PPIB: variants seen among roughly 807,000 people sequenced by gnomAD.
PPIB encodes the protein peptidylprolyl isomerase B.
In PPIB, 15 loss-of-function variants were observed where a neutral mutation model predicts 20.1. That is an observed-to-expected ratio of 0.75 (90% CI 0.50 to 1.15). The LOEUF is 1.15. PPIB is among the 50% of genes most tolerant of loss of function. The probability of loss-of-function intolerance (pLI) is 0.00; values close to 1 mark genes in which losing one functional copy is unlikely to be tolerated. For synonymous variants in PPIB, 129 were observed against 111.0 expected (o/e 1.16, Z -1.02); for missense variants, 278 against 283.0 (o/e 0.98, Z 0.13).
chr15:64,156,088 C>A lies in PPIB; in HGVS notation c.586G>T (p.Asp196Tyr). Residue 196 changes from aspartate (D) to tyrosine (Y), a missense_variant, in exon 5 of 5, where the codon GAT becomes TAT. Coordinates refer to ENST00000300026, the MANE Select transcript of PPIB (RefSeq NM_000942.5). The surrounding 1 kb of genome is among the most constrained non-coding windows in gnomAD (Gnocchi z 6.4). ...TTGCCGCAGTCTGCGATGATCACAT[C>A]CTTCAGGGGTTTATCCCGGCTGTCT... ...KTDSRDKPLK[D>Y]VIIADCGKIE... 6.2e-7 allele frequency: 1 copy of A among 1,614,220 alleles called. No individual in the cohort carries two copies. The highest frequency in any genetic ancestry group is 1.1e-5 in the South Asian group (1 of 91,092).
chr15:64,162,835 C>A lies in PPIB; in HGVS notation c.135+17G>T, dbSNP rs745554631. On this transcript the variant is annotated intron_variant, in intron 1 of 4. Coordinates refer to ENST00000300026, the MANE Select transcript of PPIB (RefSeq NM_000942.5). ...GCCCGAGCTCCGGCACCGTAAATGC[C>A]GCGGACTCCACCGGACCTTGACGGT... is the stretch of plus-strand genomic sequence containing the variant. The A allele has an allele frequency of 6.2e-7, 1 of 1,608,192 alleles. No homozygotes were observed.
chr15:64,161,325 G>A lies in PPIB; in HGVS notation c.249+716C>T, dbSNP rs981861059. Among the ~76,000 whole-genome samples the A allele has an allele frequency of 6.6e-6, 1 of 151,852 alleles. No homozygotes were observed. The highest frequency in any genetic ancestry group is 1.5e-5 in the Non-Finnish European group (1 of 67,976). ...GTCTCACTCTATTGCTCAGGCTGGA[G>A]TGCAGTGGCATGAACATGGCTCACT... On this transcript the variant is annotated intron_variant, in intron 2 of 4. Coordinates refer to ENST00000300026, the MANE Select transcript of PPIB (RefSeq NM_000942.5). This position sits in a 1 kb window ranked among gnomAD's most constrained non-coding sequence, Gnocchi z 4.2.
chr15:64,158,559 C>G lies in PPIB; in HGVS notation c.343+1545G>C, dbSNP rs777208167. 2.6e-5 allele frequency among the ~76,000 whole-genome samples: 4 copies of G among 152,332 alleles called. No homozygotes were observed. Among genetic ancestry groups the G allele is most frequent in the Middle Eastern group, 6.8e-3 (2 of 294 alleles). ...CCTAGCCTCCACATCCTGGATCTGC[C>G]ACCACATGACTCCCCTGGCACCCCA... On this transcript the variant is annotated intron_variant, in intron 3 of 4. Coordinates refer to ENST00000300026, the MANE Select transcript of PPIB (RefSeq NM_000942.5). This position sits in a 1 kb window ranked among gnomAD's most constrained non-coding sequence, Gnocchi z 4.7.
At position 64,156,911 on chromosome 15, in the gene PPIB, T is replaced by C; in HGVS notation, c.344-2A>G. 1 of 1,613,926 alleles carries C rather than the reference T, an allele frequency of 6.2e-7. No individual in the cohort carries two copies. The highest frequency in any genetic ancestry group is 8.5e-7 in the Non-Finnish European group (1 of 1,179,918). On this transcript the variant is annotated splice_acceptor_variant, in intron 3 of 4. Transcript: ENST00000300026. LOFTEE classifies it high-confidence loss of function. This position sits in a 1 kb window ranked among gnomAD's most constrained non-coding sequence, Gnocchi z 6.4. ...AGCGCTCACCGTAGATGCTCTTTCC[T>C]GGGAAAAAAGACAGAGCAGGTCAGG...
At position 64,157,487 on chromosome 15, in the gene PPIB, C is replaced by G. The variant is rs28720191; in HGVS notation, c.344-578G>C. On this transcript the variant is annotated intron_variant, in intron 3 of 4. Transcript: ENST00000300026. This position sits in a 1 kb window ranked among gnomAD's most constrained non-coding sequence, Gnocchi z 4.2. ...AAAAGACAGCTGTGAGTGTGTGTGA[C>G]GCGTCTGTCCACGTGGGGCTTGGGG... 10 of 158,646 alleles carry G rather than the reference C, an allele frequency of 6.3e-5. No individual in the cohort carries two copies. Among genetic ancestry groups the G allele is most frequent in the Admixed American group, 3.6e-4 (6 of 16,770 alleles). 9.8% of individuals were successfully genotyped at this position (158,646 alleles called of 1,614,324 possible).
Position 64,156,694 on chromosome 15 carries a change from C to T in PPIB, c.528+31G>A. On this transcript the variant is annotated intron_variant, in intron 4 of 4. Transcript: ENST00000300026. This position sits in a 1 kb window ranked among gnomAD's most constrained non-coding sequence, Gnocchi z 6.4. Reference sequence around the variant, plus strand: ...TGTGTTGAATCCCCGGTGAGGATTGCCCAGTAGTAGCCCTTGCTTCCACAA... The same window carrying T: ...TGTGTTGAATCCCCGGTGAGGATTGTCCAGTAGTAGCCCTTGCTTCCACAA... The T allele has an allele frequency of 1.2e-6, 2 of 1,613,392 alleles. No individual in the cohort carries two copies. The highest frequency in any genetic ancestry group is 1.7e-6 in the Non-Finnish European group (2 of 1,179,352).
Position 64,161,986 on chromosome 15 carries a change from C to G in PPIB, c.249+55G>C, listed in dbSNP as rs1015811321. 4 of 1,302,568 alleles carry G rather than the reference C, an allele frequency of 3.1e-6. No individual in the cohort carries two copies. In the South Asian group the frequency reaches 3.5e-5, roughly 12 times the overall value. The allele number at this position is 1,302,568 out of a possible 1,614,324, so 80.7% of individuals were successfully genotyped here. ...ACTCTGCAGGTCAGTTTGCTGCCATCCCCAGTGCCAATTTCACTTCATGTG... is the reference window on the plus strand; with the variant it reads ...ACTCTGCAGGTCAGTTTGCTGCCATGCCCAGTGCCAATTTCACTTCATGTG... On this transcript the variant is annotated intron_variant, in intron 2 of 4. Transcript: ENST00000300026. This position sits in a 1 kb window ranked among gnomAD's most constrained non-coding sequence, Gnocchi z 4.2.
rs367916633 is a variant in PPIB at position 64,155,989 on chromosome 15, C to A, written c.*34G>T. The A allele has an allele frequency of 6.2e-7, 1 of 1,614,032 alleles. No individual in the cohort carries two copies. Among genetic ancestry groups the A allele is most frequent in the South Asian group, 1.1e-5 (1 of 91,082 alleles). Reference sequence around the variant, plus strand: ...CCTGTGGCGGACTACAGGGCCTGCACAGACGGTCACTCAAAGAAAGATGTC... The same window carrying A: ...CCTGTGGCGGACTACAGGGCCTGCAAAGACGGTCACTCAAAGAAAGATGTC... On this transcript the variant is annotated 3_prime_UTR_variant, in exon 5 of 5. Transcript: ENST00000300026.
chr15:64,159,706 T>C lies in PPIB; in HGVS notation c.343+398A>G. On this transcript the variant is annotated intron_variant, in intron 3 of 4. Coordinates refer to ENST00000300026, the MANE Select transcript of PPIB (RefSeq NM_000942.5). This position sits in a 1 kb window ranked among gnomAD's most constrained non-coding sequence, Gnocchi z 5.1. ...GTCACCACGCCTGGCCCTCTCACTC[T>C]TGCTGGGGCTTCCAGGGTAGCCTGG... 1 of 315,992 alleles carries C rather than the reference T, an allele frequency of 3.2e-6. No individual in the cohort carries two copies. The highest frequency in any genetic ancestry group is 4.5e-5 in the Admixed American group (1 of 22,222). 19.6% of individuals were successfully genotyped at this position (315,992 alleles called of 1,614,324 possible).
Position 64,160,188 on chromosome 15 carries a change from C to G in PPIB, c.259G>C (p.Gly87Arg). The change falls in exon 3 of 5, where the codon GGC becomes CGC. Residue 87 changes from glycine to arginine, a missense_variant. By Grantham distance (125) the Gly-to-Arg change is moderately radical. Transcript: ENST00000300026. This position sits in a 1 kb window ranked among gnomAD's most constrained non-coding sequence, Gnocchi z 4.8. Reference protein sequence around the residue: ...VALATGEKGFGYKNSKFHRVI... With the variant: ...VALATGEKGFRYKNSKFHRVI... ...CGATGGAATTTGCTGTTTTTGTAGC[C>G]AAATCCTTTCTAGAAAAAGGGAAGA... The G allele has an allele frequency of 6.2e-7, 1 of 1,612,450 alleles. No homozygotes were observed. Among genetic ancestry groups the G allele is most frequent in the Non-Finnish European group, 8.5e-7 (1 of 1,178,496 alleles).
chr15:64,160,108 T>TGTGCCATCTCCC lies in PPIB; in HGVS notation c.327_338dup (p.Asp111_Gly114dup), dbSNP rs2081557047. 6.2e-7 allele frequency: 1 copy of TGTGCCATCTCCC among 1,611,434 alleles called. No homozygotes were observed. The highest frequency in any genetic ancestry group is 1.7e-5 in the Admixed American group (1 of 60,008). On this transcript the variant is annotated inframe_insertion, in exon 3 of 5. Transcript: ENST00000300026. This position sits in a 1 kb window ranked among gnomAD's most constrained non-coding sequence, Gnocchi z 4.8. ...GCCCAGAGGACCTGTGGTTACCTCC[T>TGTGCCATCTCCC]GTGCCATCTCCCCTGGTGAAGTCTC...
chr15:64,156,565 G>T lies in PPIB; in HGVS notation c.528+160C>A. The T allele has an allele frequency of 1.1e-6, 1 of 912,818 alleles. No homozygotes were observed. The highest frequency in any genetic ancestry group is 1.8e-6 in the Non-Finnish European group (1 of 558,970). The allele number at this position is 912,818 out of a possible 1,614,324, so 56.5% of individuals were successfully genotyped here. On this transcript the variant is annotated intron_variant, in intron 4 of 4. Coordinates refer to ENST00000300026, the MANE Select transcript of PPIB (RefSeq NM_000942.5). The surrounding 1 kb of genome is among the most constrained non-coding windows in gnomAD (Gnocchi z 6.4). ...GCTGGAAGAATTTAGAACCTTGGAG[G>T]CATGGAGGTACAGGGTTTATTCTGG...
chr15:64,156,586 T>G lies in PPIB; in HGVS notation c.528+139A>C. The stretch of plus-strand genomic sequence containing the variant: ...GGAGGCATGGAGGTACAGGGTTTAT[T>G]CTGGACAGGAGCACTGGGCTGCATC... On this transcript the variant is annotated intron_variant, in intron 4 of 4. Transcript: ENST00000300026. This position sits in a 1 kb window ranked among gnomAD's most constrained non-coding sequence, Gnocchi z 6.4. 9.4e-7 allele frequency: 1 copy of G among 1,065,234 alleles called. No individual in the cohort carries two copies. The highest frequency in any genetic ancestry group is 2.2e-4 in the Middle Eastern group (1 of 4,458). 66.0% of individuals were successfully genotyped at this position (1,065,234 alleles called of 1,614,324 possible).
chr15:64,159,353 CAG>C lies in PPIB; in HGVS notation c.343+749_343+750del. On this transcript the variant is annotated intron_variant, in intron 3 of 4. Coordinates refer to ENST00000300026, the MANE Select transcript of PPIB (RefSeq NM_000942.5). The surrounding 1 kb of genome is among the most constrained non-coding windows in gnomAD (Gnocchi z 5.1). The stretch of plus-strand genomic sequence containing the variant: ...ATGCCAAGGTGAGGGTCGGCCCTCA[CAG>C]AGTGGTCTCTGGTGAAAGACTGTCA... The C allele has an allele frequency of 6.5e-6, 1 of 153,256 alleles. No individual in the cohort carries two copies. The highest frequency in any genetic ancestry group is 2.4e-5 in the African/African-American group (1 of 41,584). The allele number at this position is 153,256 out of a possible 1,614,324, so 9.5% of individuals were successfully genotyped here.
rs771118063 is a variant in PPIB at position 64,162,083 on chromosome 15, AAC to A, written c.205_206del (p.Val69SerfsTer6). ...RVIFGLFGKTVPKTVDNFVAL... is the reference protein window; with the variant it reads ...RVIFGLFGKTXPKTVDNFVAL... ...CCACAAAATTATCCACTGTTTTTGG[AAC>A]AGTCTTTCCGAAGAGACCAAAGATC... is the stretch of plus-strand genomic sequence containing the variant. On this transcript the variant is annotated frameshift_variant, in exon 2 of 5. Coordinates refer to ENST00000300026, the MANE Select transcript of PPIB (RefSeq NM_000942.5). LOFTEE classifies it high-confidence loss of function. The A allele has an allele frequency of 2.5e-6, 4 of 1,614,038 alleles. No homozygotes were observed. Among genetic ancestry groups the A allele is most frequent in the Non-Finnish European group, 3.4e-6 (4 of 1,180,006 alleles).
Position 64,159,867 on chromosome 15 carries a change from G to A in PPIB, c.343+237C>T, listed in dbSNP as rs984625417. ...GGCTATAGGCCTGGATCAGCAGGAC[G>A]GTCACCTGGGAGAGATTCTCTTAGA... On this transcript the variant is annotated intron_variant, in intron 3 of 4. Transcript: ENST00000300026. The surrounding 1 kb of genome is among the most constrained non-coding windows in gnomAD (Gnocchi z 5.1). 9 of 595,516 alleles carry A rather than the reference G, an allele frequency of 1.5e-5. No homozygotes were observed. Among genetic ancestry groups the A allele is most frequent in the South Asian group, 7.8e-5 (4 of 51,128 alleles). The allele number at this position is 595,516 out of a possible 1,614,324, so 36.9% of individuals were successfully genotyped here. A position where few individuals can be genotyped will look rare whatever the true frequency, so the allele number is the denominator to read the frequency against.
At position 64,155,858 on chromosome 15, in the gene PPIB, T is replaced by A. The variant is rs1043082; in HGVS notation, c.*165A>T. The A allele has an allele frequency of 3.8e-5, 35 of 913,004 alleles. 1 individual carries two copies. Among genetic ancestry groups the A allele is most frequent in the Non-Finnish European group, 5.9e-5 (34 of 579,882 alleles). 56.6% of individuals were successfully genotyped at this position (913,004 alleles called of 1,614,324 possible). A position where few individuals can be genotyped will look rare whatever the true frequency, so the allele number is the denominator to read the frequency against. On this transcript the variant is annotated 3_prime_UTR_variant, in exon 5 of 5. Coordinates refer to ENST00000300026, the MANE Select transcript of PPIB (RefSeq NM_000942.5). ...ACCCACATTTTTTTTTATTGGTCAGTGTTGGTAGGAGTTTGTTACAAAAGT... is the reference window on the plus strand; with the variant it reads ...ACCCACATTTTTTTTTATTGGTCAGAGTTGGTAGGAGTTTGTTACAAAAGT...
intron 1 of PPIB, 123 bp downstream of exon 1, chr15:64,162,729 A>G: frequency 1.4e-6 from 2 of 1,474,710 alleles, no homozygotes; most frequent in Non-Finnish European, 1.8e-6. Context: ...CTGAATGGGC[A>G]GGACGGCCCA....
chr15:64,160,205 A>G lies in PPIB; in HGVS notation c.250-8T>C. On this transcript the variant is annotated splice_region_variant and splice_polypyrimidine_tract_variant and intron_variant, in intron 2 of 4. Transcript: ENST00000300026. This position sits in a 1 kb window ranked among gnomAD's most constrained non-coding sequence, Gnocchi z 4.8. ...TTTGTAGCCAAATCCTTTCTAGAAA[A>G]AGGGAAGAGAAGGTAAGGAGGTGGT... 6.3e-7 allele frequency: 1 copy of G among 1,598,730 alleles called. No homozygotes were observed. Among genetic ancestry groups the G allele is most frequent in the East Asian group, 2.2e-5 (1 of 44,800 alleles).
Sources: allele counts gnomAD v4.1 joint callset (sites outside exome capture counted in the v4.1 genomes callset), GRCh38; gene constraint gnomAD v4.1.1; non-coding constraint Gnocchi (gnomAD v3.1); transcripts MANE v1.5; gene names NCBI Gene and HGNC (gene_info 2026-07-23, HGNC 2026-07-21).